The following TMEM18 variants were observed in gnomAD, a reference collection of about 807,000 sequenced individuals.
TMEM18 encodes transmembrane protein 18.
TMEM18 carries 14 observed loss-of-function variants against 17.4 expected under a neutral mutation model. That is an observed-to-expected ratio of 0.80 (90% CI 0.53 to 1.25). The LOEUF (loss-of-function observed/expected upper bound fraction) is 1.25. TMEM18 is among the 50% of genes most tolerant of loss of function. The probability of loss-of-function intolerance (pLI) is 0.00; values close to 1 mark genes in which losing one functional copy is unlikely to be tolerated. For synonymous variants in TMEM18, 86 were observed against 66.1 expected (o/e 1.30, Z -1.46); for missense variants, 187 against 172.1 (o/e 1.09, Z -0.48).
chr2:669,508 C>A lies in TMEM18; in HGVS notation c.*72G>T. On this transcript the variant is annotated 3_prime_UTR_variant, in exon 5 of 5. Transcript: ENST00000281017. ...GAGTCAGCTGGAAGGATGCCCACGC[C>A]ACGCACACTGCAGCACTGGGAGCTG... 1 of 1,467,080 alleles carries A rather than the reference C, an allele frequency of 6.8e-7. No homozygotes were observed. Among genetic ancestry groups the A allele is most frequent in the Non-Finnish European group, 9.4e-7 (1 of 1,058,896 alleles). 90.9% of individuals were successfully genotyped at this position (1,467,080 alleles called of 1,614,324 possible). A position where few individuals can be genotyped will look rare whatever the true frequency, so the allele number is the denominator to read the frequency against.
chr2:665,820 C>T lies in TMEM18; in HGVS notation c.*3760G>A, dbSNP rs962031158. On this transcript the variant is annotated 3_prime_UTR_variant, in exon 5 of 5. Transcript: ENST00000281017. ...CCCACTCACTCAGATGCAGCATCAA[C>T]CCCACACACAACAGGACACAGAGAT... 6.6e-5 allele frequency among the ~76,000 whole-genome samples: 10 copies of T among 152,100 alleles called. No individual in the cohort carries two copies. The highest frequency in any genetic ancestry group is 2.4e-4 in the African/African-American group (10 of 41,416).
At chr2:674,178 T>C (rs1280614449) in intron 2 of TMEM18, among the ~76,000 whole-genome samples, 2 of 152,162 alleles carry the variant, frequency 1.3e-5, no homozygotes, top group Admixed American at 1.3e-4. Flanking sequence ...TACCCCGGTG[T>C]GAAAGCAGTC....
At chr2:676,839 G>A (rs1659252212) in intron 1 of TMEM18, 2 of 611,938 alleles carry the variant, frequency 3.3e-6, no homozygotes, top group Non-Finnish European at 2.9e-6. Flanking sequence ...TGGACTGGCC[G>A]GCGTGCACCT....
rs1315953088 is a variant in TMEM18 at position 669,535 on chromosome 2, A to C, written c.*45T>G. 4 of 1,595,738 alleles carry C rather than the reference A, an allele frequency of 2.5e-6. No individual in the cohort carries two copies. Among genetic ancestry groups the C allele is most frequent in the Non-Finnish European group, 3.4e-6 (4 of 1,163,812 alleles). On this transcript the variant is annotated 3_prime_UTR_variant, in exon 5 of 5. Transcript: ENST00000281017. ...CGCACACTGCAGCACTGGGAGCTGC[A>C]CTGGGTGGACGGGAAGGACGCAAAC... is the stretch of plus-strand genomic sequence containing the variant.
rs1012743126 is a variant in TMEM18 at position 665,412 on chromosome 2, C to T, written c.*4168G>A. On this transcript the variant is annotated 3_prime_UTR_variant, in exon 5 of 5. Coordinates refer to ENST00000281017, the MANE Select transcript of TMEM18 (RefSeq NM_152834.4). ...CAGATGCCCCATTCACTCAGATAAT[C>T]AACCCCACATACAACAGGACCCAGA... 7.3e-5 allele frequency among the ~76,000 whole-genome samples: 11 copies of T among 151,306 alleles called. No individual in the cohort carries two copies. The highest frequency in any genetic ancestry group is 1.2e-4 in the Non-Finnish European group (8 of 67,890).
intron 3 of TMEM18, 130 bp downstream of exon 3, chr2:672,678 G>T: frequency 1.4e-6 from 1 of 720,554 alleles, no homozygotes; most frequent in Non-Finnish European, 2.1e-6. Context: ...AACCCTGGAT[G>T]CACGGGCACG....
At chr2:671,459 T>A in intron 3 of TMEM18, among the ~76,000 whole-genome samples, 1 of 12,186 alleles carries the variant, frequency 8.2e-5, no homozygotes, top group African/African-American at 4.7e-4. Flanking sequence ...AGAGGCAGGG[T>A]CCTCCTGGGA....
chr2:670,013 C>T, intron 3 of TMEM18, 163 bp from the exon 4 acceptor site: 1 of 610,590 alleles, frequency 1.6e-6, no homozygotes. Flanking sequence ...CTCCACTGTA[C>T]TGTCCCAAAT....
Position 666,399 on chromosome 2 carries a change from A to G in TMEM18, c.*3181T>C, listed in dbSNP as rs918420494. On this transcript the variant is annotated 3_prime_UTR_variant, in exon 5 of 5. Coordinates refer to ENST00000281017, the MANE Select transcript of TMEM18 (RefSeq NM_152834.4). ...CTAATGACAGCATGATTCGGAGACT[A>G]TAATAGCTACACCTTCCCCCAAAGC... 6.6e-6 allele frequency among the ~76,000 whole-genome samples: 1 copy of G among 152,202 alleles called. No homozygotes were observed. Among genetic ancestry groups the G allele is most frequent in the Non-Finnish European group, 1.5e-5 (1 of 68,030 alleles).
In TMEM18 at chr2:664,673, T is replaced by C. The variant is rs568116345; in HGVS notation, c.*4907A>G. Among the ~76,000 whole-genome samples the C allele has an allele frequency of 8.5e-5, 13 of 152,362 alleles. No individual in the cohort carries two copies. The South Asian group carries it at 2.5e-3, about 29-fold the overall frequency. On this transcript the variant is annotated 3_prime_UTR_variant, in exon 5 of 5. Coordinates refer to ENST00000281017, the MANE Select transcript of TMEM18 (RefSeq NM_152834.4). ...GAAATATGTACAACCAATATTGGCA[T>C]ATGCTTTCTGAAAATTGATTTAGCA...
chr2:671,226 G>A (rs902491092), intron 3 of TMEM18, among the ~76,000 whole-genome samples: 3 of 152,186 alleles, frequency 2.0e-5, no homozygotes, highest in African/African-American at 2.4e-5. Flanking sequence ...AAGACAGGAG[G>A]CTGCGGCCAG....
In TMEM18 at chr2:669,342, G is replaced by A. The variant is rs527352517; in HGVS notation, c.*238C>T. The stretch of plus-strand genomic sequence containing the variant: ...CCAGTTATGAAGCTCTGCAGAGACC[G>A]TTCCCACAGCCTGACTACAAAGATC... On this transcript the variant is annotated 3_prime_UTR_variant, in exon 5 of 5. Coordinates refer to ENST00000281017, the MANE Select transcript of TMEM18 (RefSeq NM_152834.4). 5.0e-4 allele frequency: 276 copies of A among 548,688 alleles called. No individual in the cohort carries two copies. Among genetic ancestry groups the A allele is most frequent in the African/African-American group, 3.0e-3 (159 of 53,342 alleles). The allele number at this position is 548,688 out of a possible 1,614,324, so 34.0% of individuals were successfully genotyped here.
In TMEM18 at chr2:664,725, T is replaced by C. The variant is rs1678633124; in HGVS notation, c.*4855A>G. On this transcript the variant is annotated 3_prime_UTR_variant, in exon 5 of 5. Transcript: ENST00000281017. Reference sequence around the variant, plus strand: ...CATTTACCAACTGTCACATAAAAGTTATATATGTTGACTAAATTTCACTTG... The same window carrying C: ...CATTTACCAACTGTCACATAAAAGTCATATATGTTGACTAAATTTCACTTG... Among the ~76,000 whole-genome samples, 2 of 152,244 alleles carry C rather than the reference T, an allele frequency of 1.3e-5. No individual in the cohort carries two copies.
chr2:676,943 C>T (rs1249979472), intron 1 of TMEM18, among the ~76,000 whole-genome samples: 2 of 152,106 alleles, frequency 1.3e-5, no homozygotes, highest in African/African-American at 2.4e-5. Context: ...AAGCCCGGGC[C>T]ACAGAGCGCC....
intron 1 of TMEM18, chr2:676,232 G>A: frequency 7.1e-7 from 1 of 1,405,786 alleles, no homozygotes; most frequent in Non-Finnish European, 9.5e-7. Flanking sequence ...CCGGGACCCT[G>A]CTGTACCTGG....
chr2:676,408 G>A, intron 1 of TMEM18: 2 of 1,342,230 alleles, frequency 1.5e-6, no homozygotes, highest in Non-Finnish European at 2.0e-6. Flanking sequence ...CTGCAGCCCC[G>A]CCCTGCCCTC....
chr2:676,768 C>T, intron 1 of TMEM18: 2 of 893,930 alleles, frequency 2.2e-6, no homozygotes, highest in Non-Finnish European at 3.4e-6. Context: ...GGCTCCACCA[C>T]GCACGCCCCG....
rs1678622716 is a variant in TMEM18, at chr2:664,406, T to C, written c.*5174A>G. Among the ~76,000 whole-genome samples the C allele has an allele frequency of 6.6e-6, 1 of 152,018 alleles. No individual in the cohort carries two copies. The highest frequency in any genetic ancestry group is 6.6e-5 in the Admixed American group (1 of 15,256). ...GTAACACATATTTCTGCCCTATATG[T>C]GTTACCAATTTTAACACATAAAATT... On this transcript the variant is annotated 3_prime_UTR_variant, in exon 5 of 5. Coordinates refer to ENST00000281017, the MANE Select transcript of TMEM18 (RefSeq NM_152834.4).
At chr2:676,975 C>A (rs1323322607) in intron 1 of TMEM18, among the ~76,000 whole-genome samples, 3 of 151,974 alleles carry the variant, frequency 2.0e-5, no homozygotes, top group African/African-American at 7.2e-5. Context: ...ACTGCGCACG[C>A]TCCTCCACAA....
Sources: gnomAD v4.1 joint callset for allele counts (sites outside exome capture counted in the v4.1 genomes callset) on GRCh38, gnomAD v4.1.1 for gene constraint, MANE v1.5 for transcripts, NCBI Gene and HGNC (gene_info 2026-07-23, HGNC 2026-07-21) for gene names.